METTL8: variants seen among roughly 807,000 people sequenced by gnomAD.
METTL8 encodes the protein tRNA N(3)-cytidine methyltransferase METTL8, mitochondrial.
A neutral mutation model predicts 48.7 loss-of-function variants in METTL8; 32 were observed. The observed-to-expected ratio is 0.66, with a 90% CI of 0.50 to 0.88. METTL8 has a LOEUF of 0.88. Ranked by LOEUF, METTL8 falls within the 40% of genes least tolerant of loss-of-function variation. The pLI is 0.00. For missense variants in METTL8, 464 were observed against 474.4 expected, an observed-to-expected ratio of 0.98 and a Z score of 0.20; for synonymous variants, 136 against 157.1, an observed-to-expected ratio of 0.87 and a Z score of 1.01.
intron 2 of METTL8, among the ~76,000 whole-genome samples, chr2:171,369,461 C>T (rs1009015532): frequency 3.9e-5 from 6 of 152,202 alleles, no homozygotes; most frequent in African/African-American, 1.2e-4. Flanking sequence ...AGAGCAATGC[C>T]ACTCTTTGCA....
At chr2:171,403,542 T>C (rs1029197641) in intron 1 of METTL8, among the ~76,000 whole-genome samples, 1 of 152,002 alleles carries the variant, frequency 6.6e-6, no homozygotes, top group African/African-American at 2.4e-5. Flanking sequence ...CTCAAAAAAG[T>C]CATTAGGTAA....
At chr2:171,394,643 A>G (rs1688887309) in intron 1 of METTL8, among the ~76,000 whole-genome samples, 1 of 152,228 alleles carries the variant, frequency 6.6e-6, no homozygotes, top group Non-Finnish European at 1.5e-5. Context: ...TTGCTTATCT[A>G]TAACAGTTAT....
chr2:171,370,524 G>T (rs917937326), intron 2 of METTL8, among the ~76,000 whole-genome samples: 1 of 152,164 alleles, frequency 6.6e-6, no homozygotes, highest in Non-Finnish European at 1.5e-5. Context: ...GGGCACGGTG[G>T]CTCATGCCTG....
intron 9 of METTL8, among the ~76,000 whole-genome samples, chr2:171,325,029 G>A (rs1401423081): frequency 1.3e-5 from 2 of 151,112 alleles, no homozygotes; most frequent in Non-Finnish European, 2.9e-5. Context: ...GGCTGAGGTG[G>A]GAGAATCGTT....
chr2:171,385,375 C>A (rs1260556207), intron 2 of METTL8, among the ~76,000 whole-genome samples: 1 of 151,504 alleles, frequency 6.6e-6, no homozygotes, highest in Non-Finnish European at 1.5e-5. Context: ...AGAGGAAACA[C>A]TATTCTTAAA....
chr2:171,412,934 T>C (rs1362395893), intron 1 of METTL8, among the ~76,000 whole-genome samples: 1 of 152,262 alleles, frequency 6.6e-6, no homozygotes, highest in Non-Finnish European at 1.5e-5. Flanking sequence ...TTCACCACTA[T>C]AAGCCTAACA....
chr2:171,372,767 AATG>A (rs1321625744), intron 2 of METTL8, among the ~76,000 whole-genome samples: 1 of 152,100 alleles, frequency 6.6e-6, no homozygotes, highest in Non-Finnish European at 1.5e-5. Context: ...GTTTGCTGAG[AATG>A]ATGGTTTCCA....
intron 1 of METTL8, among the ~76,000 whole-genome samples, chr2:171,429,013 G>A (rs1233596863): frequency 6.6e-6 from 1 of 151,882 alleles, no homozygotes; most frequent in Admixed American, 6.6e-5. Context: ...TTCAGATTTT[G>A]TACTATAAGG....
intron 3 of METTL8, among the ~76,000 whole-genome samples, chr2:171,356,965 T>TTTTTTTTTTTTTTTTTTTTTC (rs1684645468): frequency 7.6e-6 from 1 of 131,220 alleles, no homozygotes; most frequent in Admixed American, 8.0e-5. Context: ...TTTTTTTTTT[T>TTTTTTTTTTTTTTTTTTTTTC]TTTTGAGACA....
At chr2:171,409,620 A>C (rs1690542843) in intron 1 of METTL8, among the ~76,000 whole-genome samples, 1 of 152,052 alleles carries the variant, frequency 6.6e-6, no homozygotes, top group Non-Finnish European at 1.5e-5. Flanking sequence ...CACGGCATAG[A>C]TGGGGAAATT....
chr2:171,336,140 G>A (rs1686062388), intron 5 of METTL8, among the ~76,000 whole-genome samples: 2 of 151,392 alleles, frequency 1.3e-5, no homozygotes, highest in Admixed American at 6.6e-5. Flanking sequence ...ACTGTTGCCT[G>A]GGCTGGAGTG....
chr2:171,360,290 C>G, intron 3 of METTL8, 132 bp downstream of exon 3: 1 of 681,936 alleles, frequency 1.5e-6, no homozygotes, highest in South Asian at 2.0e-5. Context: ...ACTGGAAGAA[C>G]TGGGAATTCT....
intron 3 of METTL8, among the ~76,000 whole-genome samples, chr2:171,350,722 A>G (rs1234625677): frequency 6.6e-6 from 1 of 152,202 alleles, no homozygotes; most frequent in Non-Finnish European, 1.5e-5. Context: ...AGTGATGATG[A>G]GCATTTTTTC....
Position 171,318,391 on chromosome 2 carries a change from C to T in METTL8, c.*5781G>A, listed in dbSNP as rs1473405712. On this transcript the variant is annotated 3_prime_UTR_variant, in exon 10 of 10. Transcript: ENST00000375258. ...TTATTATGGACACCTCCTGATTTCA[C>T]ATATTTTACATTACCCTAGAGCTGA... 1 of 152,194 alleles carries T rather than the reference C, an allele frequency of 6.6e-6. No individual in the cohort carries two copies. The highest frequency in any genetic ancestry group is 1.5e-5 in the Non-Finnish European group (1 of 68,038). 9.4% of individuals were successfully genotyped at this position (152,194 alleles called of 1,614,324 possible).
intron 1 of METTL8, among the ~76,000 whole-genome samples, chr2:171,424,777 G>A (rs904485125): frequency 3.9e-5 from 6 of 152,162 alleles, no homozygotes; most frequent in Non-Finnish European, 8.8e-5. Context: ...AGATTTTTGA[G>A]TTAATGCTGG....
At chr2:171,406,343 A>G (rs535765400) in intron 1 of METTL8, among the ~76,000 whole-genome samples, 1 of 152,358 alleles carries the variant, frequency 6.6e-6, no homozygotes, top group East Asian at 1.9e-4. Flanking sequence ...CAACAGCCCC[A>G]AAGCTGTTGA....
upstream of METTL8, chr2:171,434,036 G>C (rs1693519682): frequency 3.6e-6 from 1 of 278,848 alleles, no homozygotes; most frequent in South Asian, 3.1e-5. Flanking sequence ...GCGCACACAC[G>C]GGGCGGAGAC....
At chr2:171,349,279 A>C (rs1008650283) in intron 3 of METTL8, among the ~76,000 whole-genome samples, 8 of 152,282 alleles carry the variant, frequency 5.3e-5, no homozygotes, top group South Asian at 2.1e-4. Flanking sequence ...CAATTATGTT[A>C]GAACAGTAGG....
At chr2:171,386,606 A>T (rs1362913330) in intron 2 of METTL8, among the ~76,000 whole-genome samples, 1 of 152,176 alleles carries the variant, frequency 6.6e-6, no homozygotes, top group African/African-American at 2.4e-5. Flanking sequence ...TCTACAAAAA[A>T]TACAAAAATT....
Sources: gnomAD v4.1 joint callset for allele counts (sites outside exome capture counted in the v4.1 genomes callset) on GRCh38, gnomAD v4.1.1 for gene constraint, MANE v1.5 for transcripts, NCBI Gene and HGNC (gene_info 2026-07-23, HGNC 2026-07-21) for gene names.